The following EPB41L4B variants were observed in gnomAD, a reference collection of about 807,000 sequenced individuals.
EPB41L4B encodes the protein erythrocyte membrane protein band 4.1 like 4B, also known as band 4.1-like protein 4B.
A neutral mutation model predicts 112.5 loss-of-function variants in EPB41L4B; 30 were observed. The observed-to-expected ratio is 0.27, with a 90% confidence interval of 0.20 to 0.36. The LOEUF is 0.36. Ranked by LOEUF, EPB41L4B falls within the 10% of genes least tolerant of loss-of-function variation. The pLI, the probability that EPB41L4B is intolerant of heterozygous loss-of-function variation, is 1.00. For synonymous variants in EPB41L4B, 408 were observed against 439.7 expected (o/e 0.93, Z 0.90); for missense variants, 1,024 against 1,133.3 (o/e 0.90, Z 1.38).
intron 24 of EPB41L4B, among the ~76,000 whole-genome samples, chr9:109,178,433 G>A (rs1463719032): frequency 3.3e-5 from 5 of 150,644 alleles, no homozygotes; most frequent in Non-Finnish European, 7.4e-5. Flanking sequence ...CCAGGCTGGA[G>A]GCCACAATCT....
chr9:109,195,162 T>C (rs568569810), intron 20 of EPB41L4B, among the ~76,000 whole-genome samples: 2 of 152,312 alleles, frequency 1.3e-5, no homozygotes, highest in African/African-American at 4.8e-5. Flanking sequence ...CCAGGCACAT[T>C]GTCCCTAAGG....
intron 18 of EPB41L4B, among the ~76,000 whole-genome samples, chr9:109,204,733 G>A (rs1252611787): frequency 6.6e-6 from 1 of 152,152 alleles, no homozygotes; most frequent in Non-Finnish European, 1.5e-5. Context: ...CTGGGCTCAA[G>A]CGATCTGCCC....
At chr9:109,216,024 A>G in intron 16 of EPB41L4B, among the ~76,000 whole-genome samples, 1 of 152,220 alleles carries the variant, frequency 6.6e-6, no homozygotes, top group East Asian at 1.9e-4. Flanking sequence ...TCTGGGACCC[A>G]TAACAGTAGA....
At position 109,256,244 on chromosome 9, in the gene EPB41L4B, C is replaced by T. The variant is rs1834978927; in HGVS notation, c.841-20G>A. The T allele has an allele frequency of 2.5e-6, 4 of 1,611,408 alleles. No individual in the cohort carries two copies. The highest frequency in any genetic ancestry group is 3.3e-4 in the Middle Eastern group (2 of 6,052). ...TCTTCCCTACAAACAAACGAAGTGA[C>T]AATCGGTAGAGGGTTCTAACAGGTC... On this transcript the variant is annotated intron_variant, in intron 8 of 25. Transcript: ENST00000374566.
intron 1 of EPB41L4B, among the ~76,000 whole-genome samples, chr9:109,314,333 C>T (rs1040420567): frequency 6.6e-6 from 1 of 152,228 alleles, no homozygotes; most frequent in Non-Finnish European, 1.5e-5. Context: ...CCCCCATCGA[C>T]CTTCTGCTAT....
At chr9:109,232,970 GAC>G (rs1459594478) in intron 15 of EPB41L4B, among the ~76,000 whole-genome samples, 1 of 152,144 alleles carries the variant, frequency 6.6e-6, no homozygotes, top group African/African-American at 2.4e-5. Flanking sequence ...CTTTAATACA[GAC>G]AGTGTCCATT....
intron 15 of EPB41L4B, among the ~76,000 whole-genome samples, chr9:109,220,273 A>G (rs1833526209): frequency 6.6e-6 from 1 of 152,206 alleles, no homozygotes; most frequent in Non-Finnish European, 1.5e-5. Context: ...ACGGTGGTTG[A>G]AAGAGCAGGA....
intron 2 of EPB41L4B, among the ~76,000 whole-genome samples, chr9:109,269,528 G>A (rs889663451): frequency 2.4e-4 from 37 of 152,172 alleles, no homozygotes; most frequent in Admixed American, 9.2e-4. Flanking sequence ...GCCAGGGACC[G>A]TGCACTTAAT....
At chr9:109,197,367 G>A (rs1160548089) in intron 20 of EPB41L4B, among the ~76,000 whole-genome samples, 1 of 152,104 alleles carries the variant, frequency 6.6e-6, no homozygotes, top group African/African-American at 2.4e-5. Context: ...AGGCTGCAGT[G>A]AGCTAAGACT....
intron 15 of EPB41L4B, among the ~76,000 whole-genome samples, chr9:109,227,871 C>T (rs1011158593): frequency 6.6e-5 from 10 of 152,258 alleles, no homozygotes; most frequent in Middle Eastern, 3.4e-3. Context: ...TGAGCCACAA[C>T]GCCTGGCCCC....
At chr9:109,212,306 G>A (rs1406662246) in intron 17 of EPB41L4B, among the ~76,000 whole-genome samples, 2 of 152,130 alleles carry the variant, frequency 1.3e-5, no homozygotes, top group Admixed American at 6.6e-5. Flanking sequence ...TGAAAACCAG[G>A]CGACTAAGAA....
intron 6 of EPB41L4B, among the ~76,000 whole-genome samples, chr9:109,259,605 G>C (rs749360984): frequency 1.8e-4 from 27 of 152,302 alleles, no homozygotes; most frequent in South Asian, 1.7e-3. Flanking sequence ...CTATCTATGT[G>C]ACTGCAGGCA....
chr9:109,187,516 C>T (rs1237692594), intron 22 of EPB41L4B, among the ~76,000 whole-genome samples: 1 of 151,466 alleles, frequency 6.6e-6, no homozygotes, highest in Non-Finnish European at 1.5e-5. Context: ...TACCAGACTA[C>T]TTAAAACCCT....
chr9:109,320,821 G>T lies in EPB41L4B; in HGVS notation c.-375C>A. 6.9e-6 allele frequency: 1 copy of T among 145,136 alleles called. No individual in the cohort carries two copies. The highest frequency in any genetic ancestry group is 2.0e-4 in the South Asian group (1 of 4,906). 9.0% of individuals were successfully genotyped at this position (145,136 alleles called of 1,614,324 possible). ...GCCGGGGGCGCGGGAGGCGGGCTGC[G>T]GGCTGCTCCCGCGCCGCGCGCCGGC... On this transcript the variant is annotated 5_prime_UTR_variant, in exon 1 of 26. Coordinates refer to ENST00000374566, the MANE Select transcript of EPB41L4B (RefSeq NM_019114.5).
At chr9:109,179,038 A>T (rs1183687637) in intron 24 of EPB41L4B, among the ~76,000 whole-genome samples, 1 of 152,324 alleles carries the variant, frequency 6.6e-6, no homozygotes, top group Non-Finnish European at 1.5e-5. Context: ...TGAATGAATG[A>T]ACAAGCTTCC....
At chr9:109,243,755 T>A in intron 14 of EPB41L4B, 73 bp from the exon 15 acceptor site, 7 of 1,474,392 alleles carry the variant, frequency 4.7e-6, no homozygotes, top group Non-Finnish European at 6.6e-6. Context: ...CTTTGTCTGT[T>A]CCTGGCATCC....
intron 2 of EPB41L4B, among the ~76,000 whole-genome samples, chr9:109,272,055 G>C (rs1178786140): frequency 6.6e-6 from 1 of 152,198 alleles, no homozygotes; most frequent in Non-Finnish European, 1.5e-5. Context: ...AGGAGTTGAA[G>C]AGCATCTAAC....
chr9:109,285,230 G>C (rs151176996), intron 1 of EPB41L4B, among the ~76,000 whole-genome samples: 1 of 152,194 alleles, frequency 6.6e-6, no homozygotes, highest in East Asian at 1.9e-4. Context: ...CTCTACTTAC[G>C]TAAAATGAAG....
chr9:109,225,270 G>A (rs925972512), intron 15 of EPB41L4B, among the ~76,000 whole-genome samples: 1 of 152,236 alleles, frequency 6.6e-6, no homozygotes, highest in Non-Finnish European at 1.5e-5. Flanking sequence ...CTTGTGCCTG[G>A]TACTGTGCCA....
Sources: allele counts gnomAD v4.1 joint callset (sites outside exome capture counted in the v4.1 genomes callset), GRCh38; gene constraint gnomAD v4.1.1; transcripts MANE v1.5; gene names NCBI Gene and HGNC (gene_info 2026-07-23, HGNC 2026-07-21).